CD24: variants seen among roughly 807,000 people sequenced by gnomAD.
CD24 encodes the protein signal transducer CD24.
Under a neutral mutation model 3.6 loss-of-function variants are expected in CD24, and 2 were observed. The observed-to-expected ratio is 0.56, with a 90% CI of 0.23 to 1.77. The LOEUF (loss-of-function observed/expected upper bound fraction) is 1.77. Among genes scored for constraint, CD24 ranks in the 40% most tolerant of loss-of-function variants. The probability of loss-of-function intolerance (pLI) is 0.18; values close to 1 mark genes in which losing one functional copy is unlikely to be tolerated. For missense variants in CD24, 62 were observed against 93.6 expected, an observed-to-expected ratio of 0.66 and a Z score of 1.39; for synonymous variants, 33 against 44.9, an observed-to-expected ratio of 0.74 and a Z score of 1.06.
At chr6:106,973,808 A>T (rs1773034056) in intron 1 of CD24, 1 of 398,354 alleles carries the variant, frequency 2.5e-6, no homozygotes, top group Admixed American at 4.4e-5. Context: ...CCCCGGATGG[A>T]GGATCTAGGG....
intron 1 of CD24, 131 bp from the exon 2 acceptor site, chr6:106,971,965 T>C (rs1772982638): frequency 4.6e-6 from 3 of 656,596 alleles, no homozygotes; most frequent in Non-Finnish European, 7.5e-6. Context: ...CCCAACATCA[T>C]TAACTTCTGA....
chr6:106,972,501 G>C (rs941671407), intron 1 of CD24, among the ~76,000 whole-genome samples: 2 of 152,092 alleles, frequency 1.3e-5, no homozygotes, highest in African/African-American at 4.8e-5. Context: ...CCATGAAGTC[G>C]GAACGATTTC....
chr6:106,973,570 G>C, intron 1 of CD24: 1 of 398,152 alleles, frequency 2.5e-6, no homozygotes, highest in Non-Finnish European at 4.4e-6. Context: ...CCAACTTTGG[G>C]GGAGAAGCCC....
chr6:106,974,154 A>C, intron 1 of CD24: 1 of 344,260 alleles, frequency 2.9e-6, no homozygotes. Flanking sequence ...GAGCGCGGGG[A>C]GCGCGAAGAC....
At chr6:106,971,960 C>T in intron 1 of CD24, 126 bp from the exon 2 acceptor site, 1 of 665,056 alleles carries the variant, frequency 1.5e-6, no homozygotes. Flanking sequence ...TCTTACCCAA[C>T]ATCATTAACT....
At chr6:106,974,301 G>A (rs1773048922) in intron 1 of CD24, among the ~76,000 whole-genome samples, 2 of 152,254 alleles carry the variant, frequency 1.3e-5, no homozygotes, top group Admixed American at 1.3e-4. Context: ...TGCCTGGGAA[G>A]GGACAGCGTG....
upstream of CD24, among the ~76,000 whole-genome samples, chr6:106,974,934 G>T (rs1773071531): frequency 6.8e-6 from 1 of 148,130 alleles, no homozygotes; most frequent in South Asian, 2.1e-4. Context: ...AGCCCCCCGG[G>T]CGGGCGCCGC....
chr6:106,975,728 C>T (rs931071636), upstream of CD24: 4 of 152,324 alleles, frequency 2.6e-5, no homozygotes, highest in Admixed American at 1.3e-4. Context: ...CCACCGCCCT[C>T]CCCGAGCGGC....
At chr6:106,975,568 C>T (rs1690768435), upstream of CD24, 1 of 152,342 alleles carries the variant, frequency 6.6e-6, no homozygotes, top group African/African-American at 2.4e-5. Context: ...GGGTCCGCAT[C>T]TTCCCAGGAG....
chr6:106,975,201 CCACT>C (rs1773080384), upstream of CD24: 1 of 152,074 alleles, frequency 6.6e-6, no homozygotes, highest in Non-Finnish European at 1.5e-5. Flanking sequence ...AAGTGCATTG[CCACT>C]CAGACTGCAA....
chr6:106,971,742 G>A lies in CD24; in HGVS notation c.162C>T (p.Thr54=). The change falls in exon 2 of 2, where the codon ACC becomes ACT. Residue 54 remains threonine (T), a synonymous_variant. Transcript: ENST00000606017. ...SGLAPNPTNA[T]TKAAGGALQS... Reference sequence around the variant, plus strand: ...GCAGGGCACCACCAGCCGCCTTGGTGGTGGCATTAGTTGGATTTGGGGCCA... The same window carrying A: ...GCAGGGCACCACCAGCCGCCTTGGTAGTGGCATTAGTTGGATTTGGGGCCA... The A allele has an allele frequency of 6.4e-7, 1 of 1,550,828 alleles. No homozygotes were observed. The highest frequency in any genetic ancestry group is 2.0e-5 in the Admixed American group (1 of 50,988).
intron 1 of CD24, among the ~76,000 whole-genome samples, chr6:106,974,372 C>A (rs1466800248): frequency 6.6e-6 from 1 of 152,092 alleles, no homozygotes; most frequent in Non-Finnish European, 1.5e-5. Context: ...TTCCCAGGGC[C>A]GTGGGAGGAG....
At chr6:106,976,581 C>T (rs1346381975), upstream of CD24, among the ~76,000 whole-genome samples, 1 of 152,278 alleles carries the variant, frequency 6.6e-6, no homozygotes, top group Non-Finnish European at 1.5e-5. Flanking sequence ...TGGTGGCTCA[C>T]ACCTATAATC....
upstream of CD24, among the ~76,000 whole-genome samples, chr6:106,976,390 G>A (rs1773108669): frequency 6.6e-6 from 1 of 152,198 alleles, no homozygotes; most frequent in South Asian, 2.1e-4. Context: ...GAAATCTGCA[G>A]TAGGTTTGTT....
chr6:106,972,181 T>C (rs1460086087), intron 1 of CD24, among the ~76,000 whole-genome samples: 1 of 152,216 alleles, frequency 6.6e-6, no homozygotes, highest in Non-Finnish European at 1.5e-5. Context: ...TGCAATAAGG[T>C]CTATTTTCCC....
At chr6:106,976,790 C>A (rs1582560543), upstream of CD24, among the ~76,000 whole-genome samples, 1 of 152,080 alleles carries the variant, frequency 6.6e-6, no homozygotes, top group Non-Finnish European at 1.5e-5. Flanking sequence ...TAGCTTGAAC[C>A]TGAGAGGTGG....
At position 106,974,468 on chromosome 6, in the gene CD24, T is replaced by G. The variant is rs1773054388; in HGVS notation, c.69+110A>C. On this transcript the variant is annotated intron_variant, in intron 1 of 1. Coordinates refer to ENST00000606017, the MANE Select transcript of CD24 (RefSeq NM_001359084.1). Reference sequence around the variant, plus strand: ...CTAAGCAAGATTCTCTCCCGGTCCCTGTCCGTGGCCCGAGGCAGGAGCGCA... The same window carrying G: ...CTAAGCAAGATTCTCTCCCGGTCCCGGTCCGTGGCCCGAGGCAGGAGCGCA... 4.9e-6 allele frequency: 3 copies of G among 606,988 alleles called. No homozygotes were observed. In the South Asian group the frequency reaches 7.5e-5, roughly 15 times the overall value. The allele number at this position is 606,988 out of a possible 1,614,324, so 37.6% of individuals were successfully genotyped here. A position where few individuals can be genotyped will look rare whatever the true frequency, so the allele number is the denominator to read the frequency against.
chr6:106,973,752 G>C (rs1213305687), intron 1 of CD24: 4 of 398,266 alleles, frequency 1.0e-5, no homozygotes, highest in Non-Finnish European at 1.8e-5. Context: ...ATACACCCTC[G>C]AGGCAGCGCT....
At chr6:106,975,355 G>A (rs1174239904), upstream of CD24, 1 of 152,026 alleles carries the variant, frequency 6.6e-6, no homozygotes, top group African/African-American at 2.4e-5. Flanking sequence ...CGCGGACGCG[G>A]GCCGGACGCT....
Sources: allele counts gnomAD v4.1 joint callset (sites outside exome capture counted in the v4.1 genomes callset), GRCh38; gene constraint gnomAD v4.1.1; transcripts MANE v1.5; gene names NCBI Gene and HGNC (gene_info 2026-07-23, HGNC 2026-07-21).